The following ROBO2 variants were observed in gnomAD, a reference collection of about 807,000 sequenced individuals.
ROBO2 encodes the protein roundabout homolog 2.
In ROBO2, 53 loss-of-function variants were observed where a neutral mutation model predicts 160.8. The ratio of observed to expected loss-of-function variants is 0.33; its 90% confidence interval spans 0.26 to 0.41. The LOEUF is 0.41. ROBO2 is among the 10% of genes least tolerant of loss of function. ROBO2 has a pLI of 1.00. For missense variants in ROBO2, 1,577 were observed against 1,722.4 expected (o/e 0.92, Z 1.49); for synonymous variants, 664 against 611.7 (o/e 1.09, Z -1.26).
At chr3:76,755,607 T>C (rs1176465681) in intron 2 of ROBO2, among the ~76,000 whole-genome samples, 2 of 151,884 alleles carry the variant, frequency 1.3e-5, no homozygotes, top group African/African-American at 4.8e-5. Context: ...AGATTTTTGT[T>C]CTCATGGTGA....
At chr3:77,317,002 T>C (rs537558863) in intron 2 of ROBO2, 2 of 1,523,898 alleles carry the variant, frequency 1.3e-6, no homozygotes, top group East Asian at 4.5e-5. Context: ...GGTCTCCAAC[T>C]TCTTGTTCAC....
chr3:77,472,955 C>T (rs1003474140), intron 2 of ROBO2, among the ~76,000 whole-genome samples: 6 of 151,958 alleles, frequency 3.9e-5, no homozygotes, highest in Non-Finnish European at 5.9e-5. Flanking sequence ...GGTTCGTTGC[C>T]TCGTGCCAAG....
At chr3:77,133,173 G>A (rs1579266798) in intron 2 of ROBO2, among the ~76,000 whole-genome samples, 1 of 152,090 alleles carries the variant, frequency 6.6e-6, no homozygotes, top group African/African-American at 2.4e-5. Context: ...GTTTTTTGGG[G>A]GTCATTGGGA....
intron 2 of ROBO2, among the ~76,000 whole-genome samples, chr3:77,005,614 G>C (rs1337632604): frequency 6.6e-6 from 1 of 151,340 alleles, no homozygotes; most frequent in Non-Finnish European, 1.5e-5. Context: ...GGAGTACAGG[G>C]AACAAAATAA....
chr3:77,326,854 T>G (rs796265625), intron 2 of ROBO2, among the ~76,000 whole-genome samples: 1 of 152,202 alleles, frequency 6.6e-6, no homozygotes, highest in African/African-American at 2.4e-5. Context: ...TGGACGTACC[T>G]TTCATTTGTT....
At chr3:77,617,579 T>C (rs1195883152) in exon 22 of ROBO2, 3 of 1,614,186 alleles carry the variant, frequency 1.9e-6, no homozygotes, top group African/African-American at 1.3e-5. Flanking sequence ...GTCTGGAAGA[T>C]GAACTGGAAG....
chr3:76,641,861 C>T lies in ROBO2; in HGVS notation c.110-456153C>T, dbSNP rs554277099. ...TAGGCCATCCTCCCACCTCAGCCTC[C>T]CGAGCAGCCAGGACTGTAGGCATGT... On this transcript the variant is annotated intron_variant, in intron 2 of 26. Transcript: ENST00000487694. 1.7e-4 allele frequency among the ~76,000 whole-genome samples: 26 copies of T among 152,256 alleles called. 1 individual carries two copies. The highest frequency in any genetic ancestry group is 3.4e-3 in the Middle Eastern group (1 of 294).
At chr3:76,426,215 G>A (rs2076214480) in intron 2 of ROBO2, among the ~76,000 whole-genome samples, 1 of 152,160 alleles carries the variant, frequency 6.6e-6, no homozygotes, top group Non-Finnish European at 1.5e-5. Context: ...AATGTTATTT[G>A]AGTATTTGAC....
At chr3:76,981,114 C>A (rs939844015) in intron 2 of ROBO2, among the ~76,000 whole-genome samples, 6 of 152,156 alleles carry the variant, frequency 3.9e-5, no homozygotes, top group African/African-American at 1.4e-4. Flanking sequence ...GTTGTTTGCA[C>A]ATTTAGACTA....
chr3:77,647,351 T>G (rs989848002), exon 26 of ROBO2: 1 of 152,154 alleles, frequency 6.6e-6, no homozygotes, highest in Non-Finnish European at 1.5e-5. Context: ...AGTAGATTTA[T>G]TGGAATAAAT....
chr3:76,965,958 T>G (rs2059270536), intron 2 of ROBO2, among the ~76,000 whole-genome samples: 1 of 149,084 alleles, frequency 6.7e-6, no homozygotes, highest in African/African-American at 2.5e-5. Context: ...GTTTCACTCT[T>G]GTTGCCCAGG....
intron 2 of ROBO2, among the ~76,000 whole-genome samples, chr3:76,402,207 G>T (rs1010083469): frequency 3.3e-5 from 5 of 151,382 alleles, no homozygotes; most frequent in African/African-American, 1.2e-4. Flanking sequence ...ATTTTAGCTT[G>T]GTCCTGAATT....
chr3:77,115,450 C>T (rs2074104582), intron 2 of ROBO2, among the ~76,000 whole-genome samples: 2 of 152,146 alleles, frequency 1.3e-5, no homozygotes, highest in African/African-American at 2.4e-5. Flanking sequence ...TTTATAACAC[C>T]TCTGTAAAAT....
At chr3:77,085,291 G>A (rs1217886329) in intron 1 of ROBO2, among the ~76,000 whole-genome samples, 3 of 152,152 alleles carry the variant, frequency 2.0e-5, no homozygotes, top group South Asian at 2.1e-4. Context: ...TGCATAAAGT[G>A]AAGGCAAAAT....
chr3:76,623,383 C>A (rs2089368898), intron 2 of ROBO2, among the ~76,000 whole-genome samples: 2 of 152,036 alleles, frequency 1.3e-5, no homozygotes, highest in East Asian at 1.9e-4. Context: ...ATTAGAGTAA[C>A]CTTGGTAGAA....
At chr3:76,775,843 C>G (rs1463532676) in intron 2 of ROBO2, among the ~76,000 whole-genome samples, 1 of 150,672 alleles carries the variant, frequency 6.6e-6, no homozygotes, top group African/African-American at 2.4e-5. Flanking sequence ...TTAATTATCA[C>G]TATAGCATAT....
intron 2 of ROBO2, among the ~76,000 whole-genome samples, chr3:76,247,453 T>C (rs1399029954): frequency 6.6e-6 from 1 of 152,160 alleles, no homozygotes; most frequent in Non-Finnish European, 1.5e-5. Flanking sequence ...AATTTTAACA[T>C]TACATTTAGA....
At chr3:77,471,976 T>C (rs2083398401) in intron 2 of ROBO2, among the ~76,000 whole-genome samples, 1 of 152,158 alleles carries the variant, frequency 6.6e-6, no homozygotes, top group Admixed American at 6.5e-5. Context: ...TTGAATACCT[T>C]CTGGAGGACA....
chr3:77,628,449 G>GC (rs940583615), intron 23 of ROBO2, among the ~76,000 whole-genome samples: 2 of 51,162 alleles, frequency 3.9e-5, no homozygotes, highest in Non-Finnish European at 8.4e-5. Flanking sequence ...TCTTTTTGTG[G>GC]GGGGGGGGTA....
Sources: gnomAD v4.1 joint callset for allele counts (sites outside exome capture counted in the v4.1 genomes callset) on GRCh38, gnomAD v4.1.1 for gene constraint, MANE v1.5 for transcripts, NCBI Gene and HGNC (gene_info 2026-07-23, HGNC 2026-07-21) for gene names.